NCKAP1: variants seen among roughly 807,000 people sequenced by gnomAD.
The protein encoded by NCKAP1 is NCK associated protein 1.
Under a neutral mutation model 151.2 loss-of-function variants are expected in NCKAP1, and 21 were observed. The observed-to-expected ratio is 0.14, with a 90% CI of 0.10 to 0.20. The LOEUF is 0.20. NCKAP1 is among the 10% of genes least tolerant of loss of function. NCKAP1 has a pLI of 1.00. For missense variants in NCKAP1, 933 were observed against 1,352.1 expected (o/e 0.69, Z 4.86); for synonymous variants, 484 against 451.8 (o/e 1.07, Z -0.90).
chr2:182,987,268 T>C (rs1301027521), intron 9 of NCKAP1, among the ~76,000 whole-genome samples: 1 of 151,804 alleles, frequency 6.6e-6, no homozygotes, highest in Non-Finnish European at 1.5e-5. Context: ...AAAAAGTAAA[T>C]AAATAAAAAT....
intron 19 of NCKAP1, chr2:182,956,935 T>C (rs1697340441): frequency 5.6e-6 from 1 of 179,922 alleles, no homozygotes; most frequent in Non-Finnish European, 1.1e-5. Context: ...GGGCAATGGC[T>C]TGCTCAATTT....
At chr2:182,987,331 T>C (rs1698077084) in intron 9 of NCKAP1, among the ~76,000 whole-genome samples, 1 of 152,216 alleles carries the variant, frequency 6.6e-6, no homozygotes, top group East Asian at 1.9e-4. Context: ...CTAAGATTTA[T>C]GTATTCTTTG....
Position 182,952,053 on chromosome 2 carries a change from C to T in NCKAP1, c.2601+352G>A, listed in dbSNP as rs148860434. ...CTATGGAAAGCAAATACATTCAAAC[C>T]GCAAGTGTGAACAAATTGTTAACTT... On this transcript the variant is annotated intron_variant, in intron 23 of 30. Transcript: ENST00000361354. 1.6e-4 allele frequency among the ~76,000 whole-genome samples: 25 copies of T among 152,162 alleles called. No homozygotes were observed. The East Asian group carries it at 1.7e-3, about 11-fold the overall frequency.
intron 6 of NCKAP1, among the ~76,000 whole-genome samples, chr2:182,997,951 C>A (rs1272493893): frequency 6.6e-6 from 1 of 152,294 alleles, no homozygotes; most frequent in African/African-American, 2.4e-5. Flanking sequence ...CAAACCACAT[C>A]CAGCAGGACA....
chr2:182,924,741 A>C lies in NCKAP1; in HGVS notation c.*961T>G, dbSNP rs1251196427. ...AATAAAATGTTTTTTAAAACATTTAAACAAATCATATAATAGCTGACCTGG... is the reference window on the plus strand; with the variant it reads ...AATAAAATGTTTTTTAAAACATTTACACAAATCATATAATAGCTGACCTGG... On this transcript the variant is annotated 3_prime_UTR_variant, in exon 31 of 31. Coordinates refer to ENST00000361354, the MANE Select transcript of NCKAP1 (RefSeq NM_013436.5). 6.6e-6 allele frequency: 1 copy of C among 151,984 alleles called. No individual in the cohort carries two copies. Among genetic ancestry groups the C allele is most frequent in the Non-Finnish European group, 1.5e-5 (1 of 67,866 alleles). The allele number at this position is 151,984 out of a possible 1,614,324, so 9.4% of individuals were successfully genotyped here.
chr2:182,987,235 CTT>C (rs1054082624), intron 9 of NCKAP1, among the ~76,000 whole-genome samples: 2 of 151,940 alleles, frequency 1.3e-5, no homozygotes, highest in African/African-American at 4.8e-5. Flanking sequence ...GAGCGAAACT[CTT>C]GTCTCAAAAA....
chr2:182,952,635 A>G (rs1246156270), intron 22 of NCKAP1, 133 bp from the exon 23 acceptor site: 7 of 1,102,214 alleles, frequency 6.4e-6, no homozygotes, highest in African/African-American at 4.8e-5. Context: ...AGTGAAAGAG[A>G]GAATACAAAA....
At chr2:182,997,121 T>G (rs1486941573) in intron 6 of NCKAP1, among the ~76,000 whole-genome samples, 2 of 152,174 alleles carry the variant, frequency 1.3e-5, no homozygotes, top group African/African-American at 4.8e-5. Flanking sequence ...TTGTGGTTAT[T>G]TGCATCTTCT....
rs1396050691 is a variant in NCKAP1, at chr2:182,914,682, GAAGAGTAAA to G, written c.*11011_*11019del. On this transcript the variant is annotated 3_prime_UTR_variant, in exon 31 of 31. Transcript: ENST00000361354. ...ACATGAGGGGTTCTATTACTAATTT[GAAGAGTAAA>G]AAGAGTAAAAAGGAACAAATTCCCC... 6.6e-6 allele frequency: 1 copy of G among 152,118 alleles called. No individual in the cohort carries two copies. The highest frequency in any genetic ancestry group is 2.4e-5 in the African/African-American group (1 of 41,410). 9.4% of individuals were successfully genotyped at this position (152,118 alleles called of 1,614,324 possible). A position where few individuals can be genotyped will look rare whatever the true frequency, so the allele number is the denominator to read the frequency against.
chr2:183,021,481 C>T (rs920047345), intron 2 of NCKAP1, among the ~76,000 whole-genome samples: 8 of 151,998 alleles, frequency 5.3e-5, no homozygotes, highest in South Asian at 4.2e-4. Context: ...CATGGTGGTG[C>T]GCACCTGTGG....
intron 6 of NCKAP1, among the ~76,000 whole-genome samples, chr2:182,998,726 G>A (rs1559099939): frequency 6.6e-6 from 1 of 151,194 alleles, no homozygotes; most frequent in African/African-American, 2.4e-5. Flanking sequence ...GCTACTGAGG[G>A]GGCAAAGGCA....
At chr2:182,933,003 C>A (rs746673622) in intron 26 of NCKAP1, among the ~76,000 whole-genome samples, 6 of 152,054 alleles carry the variant, frequency 3.9e-5, no homozygotes, top group African/African-American at 1.4e-4. Flanking sequence ...AAGATATATA[C>A]CATTTGGTAT....
At chr2:182,989,811 C>T (rs577682870) in intron 8 of NCKAP1, among the ~76,000 whole-genome samples, 28 of 152,006 alleles carry the variant, frequency 1.8e-4, no homozygotes, top group Non-Finnish European at 3.5e-4. Flanking sequence ...ACCAGCCTGA[C>T]CAACATGGTG....
In NCKAP1 at chr2:183,038,156, G is replaced by A. The variant is rs1399795856; in HGVS notation, c.-57C>T. The A allele has an allele frequency of 1.8e-5, 24 of 1,314,566 alleles. No individual in the cohort carries two copies. The highest frequency in any genetic ancestry group is 3.1e-5 in the African/African-American group (2 of 65,006). 81.4% of individuals were successfully genotyped at this position (1,314,566 alleles called of 1,614,324 possible). On this transcript the variant is annotated 5_prime_UTR_variant, in exon 1 of 31. Coordinates refer to ENST00000361354, the MANE Select transcript of NCKAP1 (RefSeq NM_013436.5). ...GCCTCGCGCCCAGTCACGGGCCCGC[G>A]GCCTTCGCAGCAGCCTCTCTCGGGC...
At chr2:182,991,335 A>C (rs548914505) in intron 8 of NCKAP1, among the ~76,000 whole-genome samples, 8 of 152,226 alleles carry the variant, frequency 5.3e-5, no homozygotes, top group Non-Finnish European at 1.2e-4. Context: ...AGACAGATGG[A>C]TCACTTGAGG....
chr2:182,978,901 G>A lies in NCKAP1; in HGVS notation c.1356C>T (p.Cys452=), dbSNP rs759561878. The part of the protein sequence containing the change: ...LNELVQNLSV[C]PEDESIIMSS... ...ACATGATGATTGATTCATCTTCAGGGCAAACAGAAAGATTCTGAAAAACAA... is the reference window on the plus strand; with the variant it reads ...ACATGATGATTGATTCATCTTCAGGACAAACAGAAAGATTCTGAAAAACAA... Residue 452 remains cysteine (C), a synonymous_variant, in exon 14 of 31, where the codon TGC becomes TGT. Coordinates refer to ENST00000361354, the MANE Select transcript of NCKAP1 (RefSeq NM_013436.5). The A allele has an allele frequency of 5.0e-6, 8 of 1,606,840 alleles. No homozygotes were observed. The highest frequency in any genetic ancestry group is 6.8e-6 in the Non-Finnish European group (8 of 1,175,388).
chr2:183,020,129 G>A (rs1698767751), intron 2 of NCKAP1, among the ~76,000 whole-genome samples: 1 of 151,814 alleles, frequency 6.6e-6, no homozygotes, highest in Non-Finnish European at 1.5e-5. Context: ...CAAGATAAGG[G>A]CAGAATTTTG....
chr2:183,019,032 A>T (rs1277680825), intron 2 of NCKAP1, among the ~76,000 whole-genome samples: 1 of 152,226 alleles, frequency 6.6e-6, no homozygotes, highest in African/African-American at 2.4e-5. Flanking sequence ...AACATAAAAG[A>T]TTCCTATAAC....
Position 182,964,738 on chromosome 2 carries a change from T to C in NCKAP1, c.1699A>G (p.Ile567Val), listed in dbSNP as rs1697529039. Residue 567 changes from isoleucine (I) to valine (V), a missense_variant, in exon 17 of 31, where the codon ATT (isoleucine) becomes GTT (valine). Physicochemically the swap from Ile to Val is conservative, Grantham distance 29. Around this residue, in one of 2 missense-constraint regions of NCKAP1, gnomAD observed 607 missense variants for 795.0 expected, o/e 0.76. Coordinates refer to ENST00000361354, the MANE Select transcript of NCKAP1 (RefSeq NM_013436.5). ...LELPSQSRYS[I>V]AFPLLCTHFM... Reference sequence around the variant, plus strand: ...TGAGTGCAAAGTAGTGGAAATGCAATTGAGTATCTTGATTGAGAGGGTAAC... The same window carrying C: ...TGAGTGCAAAGTAGTGGAAATGCAACTGAGTATCTTGATTGAGAGGGTAAC... The C allele has an allele frequency of 6.2e-7, 1 of 1,611,014 alleles. No individual in the cohort carries two copies. Among genetic ancestry groups the C allele is most frequent in the Non-Finnish European group, 8.5e-7 (1 of 1,178,262 alleles).
Sources: allele counts gnomAD v4.1 joint callset (sites outside exome capture counted in the v4.1 genomes callset), GRCh38; gene constraint gnomAD v4.1.1; regional missense constraint gnomAD v4.1.1; transcripts MANE v1.5; gene names NCBI Gene and HGNC (gene_info 2026-07-23, HGNC 2026-07-21).